TVP23C: variants seen among roughly 807,000 people sequenced by gnomAD.
TVP23C encodes the protein Golgi apparatus membrane protein TVP23 homolog C.
TVP23C carries 19 observed loss-of-function variants against 28.7 expected under a neutral mutation model. That is an observed-to-expected ratio of 0.66 (90% CI 0.46 to 0.97). The LOEUF (loss-of-function observed/expected upper bound fraction) is 0.97. Among genes scored for constraint, TVP23C ranks in the 50% least tolerant of loss-of-function variants. The pLI is 0.00. For synonymous variants in TVP23C, 68 were observed against 81.7 expected (o/e 0.83, Z 0.90); for missense variants, 186 against 241.3 (o/e 0.77, Z 1.52).
chr17:15,512,649 G>C lies in TVP23C; in HGVS notation c.463-9417C>G, dbSNP rs148787227. On this transcript the variant is annotated intron_variant, in intron 5 of 5. Coordinates refer to the TVP23C transcript ENST00000225576. ...CTGCTTTGCATATTGCTGGCTTCAC[G>C]AACATCATATATATATATGTAAATT... Among the ~76,000 whole-genome samples the C allele has an allele frequency of 3.9e-5, 6 of 152,220 alleles. No homozygotes were observed. The East Asian group carries it at 1.2e-3, about 29-fold the overall frequency.
At chr17:15,523,012 ATT>A (rs879342813) in intron 5 of TVP23C, among the ~76,000 whole-genome samples, 9 of 146,672 alleles carry the variant, frequency 6.1e-5, no homozygotes, top group African/African-American at 9.9e-5. Context: ...ATAGAGCAGA[ATT>A]TTTTTTTTTT....
intron 5 of TVP23C, among the ~76,000 whole-genome samples, chr17:15,529,493 GGA>G (rs1398240648): frequency 1.3e-5 from 2 of 151,980 alleles, no homozygotes; most frequent in African/African-American, 4.8e-5. Context: ...TATTCAATAT[GGA>G]GAGTTTTGTC....
chr17:15,535,844 A>T (rs1983130617), downstream of TVP23C, among the ~76,000 whole-genome samples: 1 of 152,226 alleles, frequency 6.6e-6, no homozygotes. Flanking sequence ...GCAACAGAGA[A>T]GCCAGAACAT....
At chr17:15,534,713 A>G (rs1392432129), downstream of TVP23C, among the ~76,000 whole-genome samples, 1 of 151,648 alleles carries the variant, frequency 6.6e-6, no homozygotes, top group Non-Finnish European at 1.5e-5. Flanking sequence ...TCACACCTGT[A>G]ATCCCAGCAC....
chr17:15,504,219 T>A (rs967614348), intron 5 of TVP23C, among the ~76,000 whole-genome samples: 7 of 152,156 alleles, frequency 4.6e-5, no homozygotes. Flanking sequence ...GGCTTTATAT[T>A]CCTGCATTTT....
At chr17:15,522,311 T>A (rs551415874) in intron 5 of TVP23C, among the ~76,000 whole-genome samples, 1 of 152,322 alleles carries the variant, frequency 6.6e-6, no homozygotes, top group South Asian at 2.1e-4. Context: ...TAATTTTAAT[T>A]GAGCTGCTAT....
intron 5 of TVP23C, chr17:15,507,110 T>C (rs1290892017): frequency 1.1e-5 from 11 of 972,382 alleles, no homozygotes; most frequent in Non-Finnish European, 1.3e-5. Context: ...AGAAATTTGA[T>C]GTCGAGGACT....
At chr17:15,550,093 T>C (rs990922796) in intron 3 of TVP23C, among the ~76,000 whole-genome samples, 2 of 152,192 alleles carry the variant, frequency 1.3e-5, no homozygotes, top group Non-Finnish European at 2.9e-5. Context: ...ACTTATTGCT[T>C]GTTTTTGAAA....
At chr17:15,515,929 T>G (rs1439842139) in intron 5 of TVP23C, among the ~76,000 whole-genome samples, 2 of 152,130 alleles carry the variant, frequency 1.3e-5, no homozygotes, top group Non-Finnish European at 1.5e-5. Context: ...CCACCCCTAG[T>G]GCTGTTCTCC....
At chr17:15,549,054 T>A (rs1392842172) in intron 3 of TVP23C, among the ~76,000 whole-genome samples, 1 of 152,234 alleles carries the variant, frequency 6.6e-6, no homozygotes, top group Non-Finnish European at 1.5e-5. Context: ...TTTACTTTTT[T>A]AATATTTTTA....
At position 15,537,530 on chromosome 17, in the gene TVP23C, C is replaced by G. The variant is rs1053485082; in HGVS notation, c.*2882G>C. ...TGGGCCTTAAGTAGATAACTTCTTA[C>G]AAACAAAAATAAAATTTTATAAAGT... On this transcript the variant is annotated 3_prime_UTR_variant, in exon 6 of 6. Transcript: ENST00000518321. 1 of 984,082 alleles carries G rather than the reference C, an allele frequency of 1.0e-6. No homozygotes were observed. Among genetic ancestry groups the G allele is most frequent in the African/African-American group, 1.7e-5 (1 of 57,202 alleles). The allele number at this position is 984,082 out of a possible 1,614,324, so 61.0% of individuals were successfully genotyped here.
At chr17:15,521,918 C>T (rs1482965400) in intron 5 of TVP23C, among the ~76,000 whole-genome samples, 2 of 152,186 alleles carry the variant, frequency 1.3e-5, no homozygotes, top group Non-Finnish European at 2.9e-5. Context: ...ATGCACTTCT[C>T]ATGTTGCAGG....
intron 5 of TVP23C, among the ~76,000 whole-genome samples, chr17:15,530,027 G>C (rs1484194372): frequency 1.3e-5 from 2 of 152,118 alleles, no homozygotes; most frequent in African/African-American, 4.8e-5. Flanking sequence ...TTGAACTCCT[G>C]ACCTCAAGTG....
downstream of TVP23C, among the ~76,000 whole-genome samples, chr17:15,536,564 T>C (rs1447033999): frequency 6.6e-6 from 1 of 152,126 alleles, no homozygotes; most frequent in Non-Finnish European, 1.5e-5. Context: ...GGGTAGCTCC[T>C]ACCACATGCA....
intron 5 of TVP23C, chr17:15,503,453 A>G: frequency 4.0e-6 from 2 of 495,556 alleles, no homozygotes; most frequent in Non-Finnish European, 3.5e-6. Flanking sequence ...AGAACGCCTC[A>G]GTGCTTAGAC....
chr17:15,525,317 G>A (rs941491057), intron 5 of TVP23C, among the ~76,000 whole-genome samples: 9 of 152,256 alleles, frequency 5.9e-5, no homozygotes, highest in Admixed American at 1.3e-4. Flanking sequence ...AGCTGGAAGC[G>A]TGTGATGGTT....
chr17:15,548,635 T>C (rs186464058), intron 3 of TVP23C, among the ~76,000 whole-genome samples: 141 of 152,324 alleles, frequency 9.3e-4, no homozygotes, highest in African/African-American at 3.3e-3. Flanking sequence ...TCTTAACATA[T>C]TGTTTATGCT....
At chr17:15,553,586 G>T in intron 3 of TVP23C, 99 bp downstream of exon 3, 2 of 1,408,930 alleles carry the variant, frequency 1.4e-6, no homozygotes, top group Non-Finnish European at 1.9e-6. Flanking sequence ...GATGAGGTTT[G>T]AAGTAACAAA....
intron 5 of TVP23C, among the ~76,000 whole-genome samples, chr17:15,525,665 C>CGTGT (rs537223610): frequency 1.3e-5 from 2 of 151,456 alleles, no homozygotes; most frequent in African/African-American, 4.8e-5. Context: ...AATCTCTCTC[C>CGTGT]GTGTGTGTGT....
Sources: gnomAD v4.1 joint callset for allele counts (sites outside exome capture counted in the v4.1 genomes callset) on GRCh38, gnomAD v4.1.1 for gene constraint, MANE v1.5 for transcripts, NCBI Gene and HGNC (gene_info 2026-07-23, HGNC 2026-07-21) for gene names.